CELSR1: variants seen among roughly 807,000 people sequenced by gnomAD.
CELSR1 encodes adhesion G protein-coupled receptor C1.
A neutral mutation model predicts 249.1 loss-of-function variants in CELSR1; 110 were observed. That is an observed-to-expected ratio of 0.44 (90% CI 0.38 to 0.52). CELSR1 has a LOEUF of 0.52. Among genes scored for constraint, CELSR1 ranks in the 20% least tolerant of loss-of-function variants. The probability of loss-of-function intolerance (pLI) is 0.00; values close to 1 mark genes in which losing one functional copy is unlikely to be tolerated. For missense variants in CELSR1, 4,109 were observed against 4,296.4 expected, an observed-to-expected ratio of 0.96 and a Z score of 1.22; for synonymous variants, 2,113 against 1,900.0, an observed-to-expected ratio of 1.11 and a Z score of -2.92.
Position 46,534,093 on chromosome 22 carries a change from A to G in CELSR1, c.3078T>C (p.Pro1026=), listed in dbSNP as rs1324529262. 2.5e-6 allele frequency: 4 copies of G among 1,613,776 alleles called. 1 individual carries two copies. Among genetic ancestry groups the G allele is most frequent in the South Asian group, 2.2e-5 (2 of 91,088 alleles). ...TGATCTGGGCATTAGGGCCTTCATC[A>G]GGGTCGTTAGCACGAATCTTTGCCA... The part of the protein sequence containing the change: ...SVVAKIRAND[P]DEGPNAQIMY... Residue 1026 remains proline (P), a synonymous_variant, in exon 1 of 35, where the codon CCT becomes CCC. Transcript: ENST00000674500. This position sits in a 1 kb window ranked among gnomAD's most constrained non-coding sequence, Gnocchi z 9.7.
Position 46,365,809 on chromosome 22 carries a change from A to T in CELSR1, c.8301-120T>A, listed in dbSNP as rs764167788. 182 of 423,960 alleles carry T rather than the reference A, an allele frequency of 4.3e-4. 1 individual carries two copies. The highest frequency in any genetic ancestry group is 1.3e-3 in the Admixed American group (30 of 22,288). The allele number at this position is 423,960 out of a possible 1,614,324, so 26.3% of individuals were successfully genotyped here. A position where few individuals can be genotyped will look rare whatever the true frequency, so the allele number is the denominator to read the frequency against. On this transcript the variant is annotated intron_variant, in intron 30 of 34. Coordinates refer to ENST00000674500, the MANE Select transcript of CELSR1 (RefSeq NM_001378328.1). The stretch of plus-strand genomic sequence containing the variant: ...TGTGTTCCCAACAACAGCACAGACA[A>T]AACAGCCTCCCGAGTATGTGGGGGA...
chr22:46,423,497 C>G lies in CELSR1; in HGVS notation c.4611+9896G>C, dbSNP rs189674201. Reference sequence around the variant, plus strand: ...GTGCAGGCCTGTAATCCCACCTACTCGGGAGGCTGAGGCAGGAGAATTGCT... The same window carrying G: ...GTGCAGGCCTGTAATCCCACCTACTGGGGAGGCTGAGGCAGGAGAATTGCT... On this transcript the variant is annotated intron_variant, in intron 5 of 34. Transcript: ENST00000674500. This position sits in a 1 kb window ranked among gnomAD's most constrained non-coding sequence, Gnocchi z 5.6. Among the ~76,000 whole-genome samples the G allele has an allele frequency of 2.8e-4, 42 of 149,782 alleles. No individual in the cohort carries two copies. The highest frequency in any genetic ancestry group is 1.7e-3 in the Admixed American group (25 of 14,998).
intron 5 of CELSR1, among the ~76,000 whole-genome samples, chr22:46,425,352 G>A (rs2079524957): frequency 6.6e-6 from 1 of 152,202 alleles, no homozygotes; most frequent in South Asian, 2.1e-4. Context: ...AAGAGATGTT[G>A]CAGAATTGAT....
intron 1 of CELSR1, among the ~76,000 whole-genome samples, chr22:46,465,194 C>T (rs3788702): frequency 0.39 from 59,675 of 151,918 alleles, 12,314 homozygotes; most frequent in South Asian, 0.52. Flanking sequence ...GCCCAGGGGC[C>T]CTCACCTGCC....
intron 19 of CELSR1, among the ~76,000 whole-genome samples, chr22:46,385,844 C>T (rs528759096): frequency 2.0e-5 from 3 of 151,794 alleles, no homozygotes; most frequent in African/African-American, 7.3e-5. Flanking sequence ...CGACCGGCTA[C>T]TTTTTTGTAT....
At position 46,363,530 on chromosome 22, in the gene CELSR1, A is replaced by G; in HGVS notation, c.9036-283T>C. 2.6e-6 allele frequency: 1 copy of G among 378,446 alleles called. No individual in the cohort carries two copies. Among genetic ancestry groups the G allele is most frequent in the East Asian group, 5.0e-5 (1 of 20,030 alleles). The allele number at this position is 378,446 out of a possible 1,614,324, so 23.4% of individuals were successfully genotyped here. On this transcript the variant is annotated intron_variant, in intron 34 of 34. Transcript: ENST00000674500. This position sits in a 1 kb window ranked among gnomAD's most constrained non-coding sequence, Gnocchi z 4.3. ...CTCTACAGTGACTTTTGGAAGGGGCATTCTGAAGACCTGGCTTCTCCCTTG... is the reference window on the plus strand; with the variant it reads ...CTCTACAGTGACTTTTGGAAGGGGCGTTCTGAAGACCTGGCTTCTCCCTTG...
chr22:46,378,410 G>C (rs935960132), intron 23 of CELSR1, among the ~76,000 whole-genome samples, 181 bp downstream of exon 23: 1 of 152,110 alleles, frequency 6.6e-6, no homozygotes, highest in African/African-American at 2.4e-5. Context: ...GTTTTAATCG[G>C]TTGATTTGTT....
chr22:46,372,289 C>T (rs2078861720), intron 25 of CELSR1, among the ~76,000 whole-genome samples: 1 of 147,974 alleles, frequency 6.8e-6, no homozygotes, highest in South Asian at 2.2e-4. Context: ...CCCCATCCAT[C>T]CATCCACTCG....
chr22:46,392,122 G>A (rs2079099680), intron 14 of CELSR1, among the ~76,000 whole-genome samples: 1 of 152,260 alleles, frequency 6.6e-6, no homozygotes, highest in African/African-American at 2.4e-5. Flanking sequence ...CCAAATGGAG[G>A]CTTACGTATG....
rs11453877 is a variant in CELSR1 at position 46,463,522 on chromosome 22, T to TAAAA, written c.4183+181_4183+184dup. ...TAGAGTGAGATCATCTCAAAAAAGT[T>TAAAA]AAAAAAAAAAAAAAAAGTACCGTTA... is the stretch of plus-strand genomic sequence containing the variant. On this transcript the variant is annotated intron_variant, in intron 2 of 34. Transcript: ENST00000674500. 1.3e-3 allele frequency among the ~76,000 whole-genome samples: 191 copies of TAAAA among 142,210 alleles called. 1 individual carries two copies. The highest frequency in any genetic ancestry group is 4.7e-3 in the African/African-American group (183 of 38,562). The allele number at this position is 142,210 out of a possible 152,430, so 93.3% of individuals were successfully genotyped here. A position where few individuals can be genotyped will look rare whatever the true frequency, so the allele number is the denominator to read the frequency against.
At position 46,394,229 on chromosome 22, in the gene CELSR1, C is replaced by T; in HGVS notation, c.5877G>A (p.Gly1959=). 1 of 1,613,776 alleles carries T rather than the reference C, an allele frequency of 6.2e-7. No homozygotes were observed. Among genetic ancestry groups the T allele is most frequent in the Non-Finnish European group, 8.5e-7 (1 of 1,179,882 alleles). Residue 1959 remains glycine, a synonymous_variant, in exon 14 of 35, where the codon GGG becomes GGA. Coordinates refer to ENST00000674500, the MANE Select transcript of CELSR1 (RefSeq NM_001378328.1). ...LDLPCPRGWW[G]NPVCGPCHCA... ...AGTGGCAGGGTCCACAGACGGGGTT[C>T]CCCCACCAGCCTCTGGGGCACGGAA... is the stretch of plus-strand genomic sequence containing the variant.
chr22:46,372,751 G>A (rs535923617), intron 25 of CELSR1, 132 bp downstream of exon 25: 50 of 1,181,828 alleles, frequency 4.2e-5, no homozygotes, highest in Middle Eastern at 2.5e-4. Context: ...GTGCAGGGCC[G>A]AGGCCTCCTC....
rs1331594119 is a variant in CELSR1 at position 46,413,514 on chromosome 22, C to G, written c.4612-1755G>C. On this transcript the variant is annotated intron_variant, in intron 5 of 34. Transcript: ENST00000674500. This position sits in a 1 kb window ranked among gnomAD's most constrained non-coding sequence, Gnocchi z 4.7. ...ACGATTTACTATTAGAACACACGTC[C>G]TCTCTGTGTTACAGGGAATTGAGGA... Among the ~76,000 whole-genome samples, 1 of 152,234 alleles carries G rather than the reference C, an allele frequency of 6.6e-6. No individual in the cohort carries two copies. The highest frequency in any genetic ancestry group is 1.9e-4 in the East Asian group (1 of 5,196).
chr22:46,436,343 C>T lies in CELSR1; in HGVS notation c.4407-54G>A. 7.0e-7 allele frequency: 1 copy of T among 1,419,974 alleles called. No homozygotes were observed. Among genetic ancestry groups the T allele is most frequent in the South Asian group, 1.2e-5 (1 of 85,798 alleles). The allele number at this position is 1,419,974 out of a possible 1,614,324, so 88.0% of individuals were successfully genotyped here. ...GGATGAAGACCCCAGGGTCCAAAGG[C>T]TGCCTAGGAATGACAAGTCCAGCCG... On this transcript the variant is annotated intron_variant, in intron 3 of 34. Transcript: ENST00000674500. This position sits in a 1 kb window ranked among gnomAD's most constrained non-coding sequence, Gnocchi z 5.9.
intron 2 of CELSR1, among the ~76,000 whole-genome samples, chr22:46,444,585 C>T (rs1423341368): frequency 1.3e-5 from 2 of 152,150 alleles, no homozygotes; most frequent in East Asian, 1.9e-4. Flanking sequence ...GTTTGGTTTG[C>T]TTTTTTAATG....
chr22:46,384,531 A>G lies in CELSR1; in HGVS notation c.6883+12T>C, dbSNP rs759649420. ...ACTCCGAGGGCAGCAGCAGGTTTCT[A>G]AGCGGTTTTACCTTTTTCTTCAGGT... On this transcript the variant is annotated intron_variant, in intron 20 of 34. Coordinates refer to ENST00000674500, the MANE Select transcript of CELSR1 (RefSeq NM_001378328.1). 10 of 1,588,994 alleles carry G rather than the reference A, an allele frequency of 6.3e-6. No homozygotes were observed. The highest frequency in any genetic ancestry group is 1.1e-5 in the South Asian group (1 of 87,452).
intron 1 of CELSR1, among the ~76,000 whole-genome samples, chr22:46,493,332 G>C (rs1039768523): frequency 2.6e-5 from 4 of 152,112 alleles, no homozygotes; most frequent in African/African-American, 9.7e-5. Context: ...GATCACCTGA[G>C]ATCAGGAGAT....
At chr22:46,394,088 G>A in intron 14 of CELSR1, 54 bp downstream of exon 14, 2 of 1,588,928 alleles carry the variant, frequency 1.3e-6, no homozygotes, top group Non-Finnish European at 1.7e-6. Context: ...AGGGGCAGCT[G>A]TGCATGTGTG....
In CELSR1 at chr22:46,417,293, G is replaced by A. The variant is rs891209505; in HGVS notation, c.4612-5534C>T. ...TTGGGAAAGTGGTGGGAAGGGTCAC[G>A]AGGAGCAAATTCACGCAGATGCACG... On this transcript the variant is annotated intron_variant, in intron 5 of 34. Coordinates refer to ENST00000674500, the MANE Select transcript of CELSR1 (RefSeq NM_001378328.1). The surrounding 1 kb of genome is among the most constrained non-coding windows in gnomAD (Gnocchi z 4.1). Among the ~76,000 whole-genome samples the A allele has an allele frequency of 2.6e-5, 4 of 152,208 alleles. No homozygotes were observed. The highest frequency in any genetic ancestry group is 9.7e-5 in the African/African-American group (4 of 41,440).
Sources: gnomAD v4.1 joint callset for allele counts (sites outside exome capture counted in the v4.1 genomes callset) on GRCh38, gnomAD v4.1.1 for gene constraint, Gnocchi (gnomAD v3.1) non-coding constraint, MANE v1.5 for transcripts, NCBI Gene and HGNC (gene_info 2026-07-23, HGNC 2026-07-21) for gene names.